The following PRKN variants were observed in gnomAD, a reference collection of about 807,000 sequenced individuals.
PRKN encodes E3 ubiquitin-protein ligase parkin.
A neutral mutation model predicts 59.5 loss-of-function variants in PRKN; 56 were observed. The observed-to-expected ratio is 0.94, with a 90% CI of 0.76 to 1.18. The LOEUF (loss-of-function observed/expected upper bound fraction) is 1.18, where lower values mean the gene tolerates loss of function less well. Ranked by LOEUF, PRKN falls within the 50% of genes most tolerant of loss-of-function variation. The probability of loss-of-function intolerance (pLI) is 0.00; values close to 1 mark genes in which losing one functional copy is unlikely to be tolerated. For synonymous variants in PRKN, 250 were observed against 222.1 expected (o/e 1.13, Z -1.12); for missense variants, 657 against 596.4 (o/e 1.10, Z -1.06).
At chr6:162,418,668 G>A (rs1025831544) in intron 2 of PRKN, among the ~76,000 whole-genome samples, 1 of 147,202 alleles carries the variant, frequency 6.8e-6, no homozygotes, top group Admixed American at 6.7e-5. Context: ...GTGTTGAGGG[G>A]GGGGATGGCT....
rs1378501005 is a variant in PRKN, at chr6:161,352,753, G to GTA, written c.1286-2543_1286-2542insTA. Among the ~76,000 whole-genome samples the GTA allele has an allele frequency of 3.4e-5, 4 of 118,134 alleles. No homozygotes were observed. Among genetic ancestry groups the GTA allele is most frequent in the African/African-American group, 1.1e-4 (3 of 26,686 alleles). The allele number at this position is 118,134 out of a possible 152,430, so 77.5% of individuals were successfully genotyped here. A position where few individuals can be genotyped will look rare whatever the true frequency, so the allele number is the denominator to read the frequency against. ...TGTGTGTGTGTGTGTGTGTGTGTGT[G>GTA]TGTATATATATATATATATTTTATT... On this transcript the variant is annotated intron_variant, in intron 11 of 11. Transcript: ENST00000366898. This position sits in a 1 kb window ranked among gnomAD's most constrained non-coding sequence, Gnocchi z 5.8.
intron 4 of PRKN, among the ~76,000 whole-genome samples, chr6:162,169,801 G>A (rs981231012): frequency 2.2e-4 from 33 of 152,098 alleles, no homozygotes; most frequent in African/African-American, 6.3e-4. Context: ...GAATCCTTTT[G>A]ATCTTCTATT....
At chr6:162,510,963 T>C (rs9456782) in intron 1 of PRKN, among the ~76,000 whole-genome samples, 51 of 50,252 alleles carry the variant, frequency 1.0e-3, no homozygotes, top group African/African-American at 2.5e-3. Context: ...CATATATACA[T>C]ATATATATAT....
intron 9 of PRKN, among the ~76,000 whole-genome samples, chr6:161,450,681 C>T (rs1357770177): frequency 5.3e-5 from 8 of 152,174 alleles, no homozygotes; most frequent in South Asian, 2.1e-4. Context: ...CTCAGCCTCC[C>T]GAGCAGCTGG....
chr6:161,610,358 G>A (rs919394198), intron 7 of PRKN, among the ~76,000 whole-genome samples: 31 of 151,944 alleles, frequency 2.0e-4, no homozygotes, highest in African/African-American at 6.8e-4. Flanking sequence ...ACCAAAATAC[G>A]TACCTCTAAA....
At chr6:161,727,643 G>A (rs1362061320) in intron 7 of PRKN, among the ~76,000 whole-genome samples, 1 of 152,088 alleles carries the variant, frequency 6.6e-6, no homozygotes, top group African/African-American at 2.4e-5. Flanking sequence ...TTCACAGGGA[G>A]GGACAGTCTA....
intron 1 of PRKN, among the ~76,000 whole-genome samples, chr6:162,510,173 G>A (rs1380261332): frequency 1.3e-5 from 2 of 152,152 alleles, no homozygotes; most frequent in South Asian, 2.1e-4. Flanking sequence ...ACACCTCTAC[G>A]TTCACTAAAT....
intron 5 of PRKN, among the ~76,000 whole-genome samples, chr6:162,043,674 T>C (rs1784148562): frequency 6.6e-6 from 1 of 152,226 alleles, no homozygotes; most frequent in African/African-American, 2.4e-5. Flanking sequence ...CAAAGTTCAC[T>C]TTACATAGTA....
chr6:162,287,598 T>A (rs1430335586), intron 2 of PRKN, among the ~76,000 whole-genome samples: 1 of 151,788 alleles, frequency 6.6e-6, no homozygotes, highest in African/African-American at 2.4e-5. Context: ...ATAATGAAAT[T>A]ATGAACATAA....
intron 6 of PRKN, among the ~76,000 whole-genome samples, chr6:161,841,917 T>C (rs1793002346): frequency 6.6e-6 from 1 of 152,142 alleles, no homozygotes; most frequent in Admixed American, 6.5e-5. Context: ...CCCCAATTTT[T>C]CCTTATTGTA....
intron 10 of PRKN, among the ~76,000 whole-genome samples, chr6:161,364,168 C>CAAA (rs71004043): frequency 1.3e-5 from 1 of 74,408 alleles, no homozygotes; most frequent in African/African-American, 4.3e-5. Context: ...GACTCCGTCT[C>CAAA]AAAAAAAAAA....
At chr6:162,624,018 G>A (rs1782779920) in intron 1 of PRKN, among the ~76,000 whole-genome samples, 1 of 152,110 alleles carries the variant, frequency 6.6e-6, no homozygotes, top group Non-Finnish European at 1.5e-5. Flanking sequence ...GGAGGCCGAG[G>A]TGGGCGGATC....
intron 1 of PRKN, among the ~76,000 whole-genome samples, chr6:162,693,299 A>G (rs1229468482): frequency 6.6e-6 from 1 of 152,194 alleles, no homozygotes; most frequent in Non-Finnish European, 1.5e-5. Context: ...AACATTGGCC[A>G]CTAATGCTGC....
intron 1 of PRKN, among the ~76,000 whole-genome samples, chr6:162,501,517 T>C (rs1793373648): frequency 1.4e-5 from 1 of 70,094 alleles, no homozygotes; most frequent in Admixed American, 1.5e-4. Context: ...CTGGTTAATT[T>C]TTTTTTTTTT....
chr6:161,829,790 G>A (rs542979444), intron 6 of PRKN, among the ~76,000 whole-genome samples: 2 of 151,282 alleles, frequency 1.3e-5, no homozygotes, highest in Admixed American at 1.3e-4. Flanking sequence ...CCAGAGCTTC[G>A]GGAACCTGTG....
At chr6:161,711,922 A>G (rs1040396207) in intron 7 of PRKN, among the ~76,000 whole-genome samples, 2 of 152,164 alleles carry the variant, frequency 1.3e-5, no homozygotes, top group Non-Finnish European at 2.9e-5. Context: ...AGGTTGCACT[A>G]TCGGCTTTCC....
intron 1 of PRKN, chr6:162,695,112 C>G (rs1489467656): frequency 6.6e-6 from 1 of 152,154 alleles, no homozygotes. Flanking sequence ...TATGGCTGTT[C>G]TGCTTGAGGC....
intron 5 of PRKN, among the ~76,000 whole-genome samples, chr6:161,995,299 C>T (rs766618850): frequency 2.6e-5 from 4 of 152,092 alleles, no homozygotes; most frequent in Admixed American, 1.3e-4. Flanking sequence ...AAACATAAAA[C>T]CCCAAAGTAT....
chr6:162,637,100 A>T (rs915574791), intron 1 of PRKN, among the ~76,000 whole-genome samples: 5 of 151,168 alleles, frequency 3.3e-5, no homozygotes, highest in Non-Finnish European at 7.4e-5. Flanking sequence ...ACTAAAAAAT[A>T]AAAAAAAATA....
Sources: gnomAD v4.1 joint callset for allele counts (sites outside exome capture counted in the v4.1 genomes callset) on GRCh38, gnomAD v4.1.1 for gene constraint, Gnocchi (gnomAD v3.1) non-coding constraint, MANE v1.5 for transcripts, NCBI Gene and HGNC (gene_info 2026-07-23, HGNC 2026-07-21) for gene names.